Variants in RFX5 observed in about 807,000 individuals in gnomAD.
The protein encoded by RFX5 is DNA-binding protein RFX5.
RFX5 carries 30 observed loss-of-function variants against 41.2 expected under a neutral mutation model. That is an observed-to-expected ratio of 0.73 (90% CI 0.54 to 0.99). RFX5 has a LOEUF of 0.99. RFX5 is among the 50% of genes least tolerant of loss of function. The pLI is 0.00. For synonymous variants in RFX5, 231 were observed against 291.8 expected (o/e 0.79, Z 2.12); for missense variants, 715 against 773.6 (o/e 0.92, Z 0.90).
In RFX5 at chr1:151,346,291, G is replaced by A. The variant is rs1651052355; in HGVS notation, c.30C>T (p.Ser10=). The A allele has an allele frequency of 6.2e-7, 1 of 1,614,072 alleles. No individual in the cohort carries two copies. Among genetic ancestry groups the A allele is most frequent in the African/African-American group, 1.3e-5 (1 of 75,046 alleles). Residue 10 remains serine (S), a synonymous_variant, in exon 3 of 11, where the codon AGC becomes AGT. Transcript: ENST00000452671. The part of the protein sequence containing the change: MAEDEPDAK[S]PKTGGRAPPG... ...GGGGGGCCCTTCCCCCAGTCTTGGG[G>A]CTCTTAGCATCAGGCTCATCTTCTG...
In RFX5 at chr1:151,342,911, C is replaced by A; in HGVS notation, c.1126G>T (p.Ala376Ser). ...ATCATGTTAATGATGGGCACAGCTG[C>A]TGGGGGTGCCCCGGCCCTACTAGAC... ...PLSSRAGAPPAAVPIINMILP... is the reference protein window; with the variant it reads ...PLSSRAGAPPSAVPIINMILP... The change falls in exon 11 of 11, where the codon GCA (alanine) becomes TCA (serine). Residue 376 changes from alanine (A) to serine (S), a missense_variant. Transcript: ENST00000452671. The A allele has an allele frequency of 6.2e-7, 1 of 1,614,206 alleles. No individual in the cohort carries two copies. The highest frequency in any genetic ancestry group is 1.1e-5 in the South Asian group (1 of 91,090).
chr1:151,344,990 C>A, intron 5 of RFX5, 116 bp downstream of exon 5: 1 of 1,541,618 alleles, frequency 6.5e-7, no homozygotes, highest in Non-Finnish European at 9.0e-7. Flanking sequence ...GGGCGAGGAC[C>A]TTTCCTCTTC....
At chr1:151,345,529 G>A (rs968907760) in intron 4 of RFX5, 22 of 356,790 alleles carry the variant, frequency 6.2e-5, no homozygotes, top group African/African-American at 2.1e-4. Flanking sequence ...GGAGAATGGC[G>A]TGAACCTGGG....
Position 151,346,244 on chromosome 1 carries a change from T to A in RFX5, c.77A>T (p.Glu26Val). The part of the protein sequence containing the change: ...RAPPGGAEAG[E>V]PTTLLQRLRG... ...GAGCCTCTGAAGAAGGGTGGTAGGTTCCCCAGCCTCAGCACCACCTGGGGG... is the reference window on the plus strand; with the variant it reads ...GAGCCTCTGAAGAAGGGTGGTAGGTACCCCAGCCTCAGCACCACCTGGGGG... Residue 26 changes from glutamate (E) to valine (V), a missense_variant, in exon 3 of 11, where the codon GAA (glutamate) becomes GTA (valine). By Grantham distance (121) the Glu-to-Val change is moderately radical. Coordinates refer to ENST00000452671, the MANE Select transcript of RFX5 (RefSeq NM_001025603.2). 1 of 1,614,144 alleles carries A rather than the reference T, an allele frequency of 6.2e-7. No individual in the cohort carries two copies. The highest frequency in any genetic ancestry group is 8.5e-7 in the Non-Finnish European group (1 of 1,180,008).
At chr1:151,345,080 C>T in intron 5 of RFX5, 26 bp downstream of exon 5, 1 of 1,600,986 alleles carries the variant, frequency 6.2e-7, no homozygotes, top group Non-Finnish European at 8.6e-7. Flanking sequence ...AGAACCTCTG[C>T]CATCTAAAAC....
chr1:151,346,211 G>A lies in RFX5; in HGVS notation c.110C>T (p.Thr37Ile). 6.2e-7 allele frequency: 1 copy of A among 1,614,078 alleles called. No individual in the cohort carries two copies. Among genetic ancestry groups the A allele is most frequent in the South Asian group, 1.1e-5 (1 of 91,086 alleles). The change falls in exon 3 of 11, where the codon ACC becomes ATC. Residue 37 changes from threonine (T) to isoleucine (I), a missense_variant. Transcript: ENST00000452671. ...AGATGTGATGAGTACTTACGAAATG[G>A]TACCTCGGAGCCTCTGAAGAAGGGT... ...PTTLLQRLRG[T>I]ISKAVQNKVE...
rs766981191 is a variant in RFX5 at position 151,342,455 on chromosome 1, C to T, written c.1582G>A (p.Ala528Thr). 7 of 1,614,060 alleles carry T rather than the reference C, an allele frequency of 4.3e-6. No homozygotes were observed. The highest frequency in any genetic ancestry group is 1.7e-5 in the Admixed American group (1 of 60,008). Residue 528 changes from alanine to threonine, a missense_variant, in exon 11 of 11, where the codon GCA becomes ACA. Physicochemically the swap from Ala to Thr is moderately conservative, Grantham distance 58. Coordinates refer to ENST00000452671, the MANE Select transcript of RFX5 (RefSeq NM_001025603.2). ...PGPMGEAEKG[A>T]VLAQGQGDGT... Reference sequence around the variant, plus strand: ...TCTCCCTGACCCTGGGCAAGTACTGCCCCCTTTTCAGCCTCTCCCATTGGC... The same window carrying T: ...TCTCCCTGACCCTGGGCAAGTACTGTCCCCTTTTCAGCCTCTCCCATTGGC...
rs759109010 is a variant in RFX5, at chr1:151,342,042, TA to T, written c.*143del. ...TCAGAGGCAGCAACCAGGTACTAAG[TA>T]GACTGGGTGACTCAGCTGTCTGTAC... On this transcript the variant is annotated 3_prime_UTR_variant, in exon 11 of 11. Coordinates refer to ENST00000452671, the MANE Select transcript of RFX5 (RefSeq NM_001025603.2). The T allele has an allele frequency of 4.3e-6, 5 of 1,172,484 alleles. No individual in the cohort carries two copies. The African/African-American group carries it at 7.6e-5, about 18-fold the overall frequency. 72.6% of individuals were successfully genotyped at this position (1,172,484 alleles called of 1,614,324 possible).
chr1:151,343,889 T>TG lies in RFX5; in HGVS notation c.556-8dup, dbSNP rs748576536. On this transcript the variant is annotated splice_region_variant and splice_polypyrimidine_tract_variant and intron_variant, in intron 8 of 10. Transcript: ENST00000452671. ...CTTCTGGGCCCATTTCTGGCTGAAG[T>TG]GGGGAAGGACATGCCCAATCACACT... The TG allele has an allele frequency of 6.8e-6, 11 of 1,612,904 alleles. No individual in the cohort carries two copies. The East Asian group carries it at 2.2e-4, about 33-fold the overall frequency.
intron 4 of RFX5, chr1:151,345,518 A>G (rs2102068979): frequency 2.8e-6 from 1 of 360,740 alleles, no homozygotes; most frequent in East Asian, 7.0e-5. Flanking sequence ...AGGCTGAGGC[A>G]GGAGAATGGC....
intron 4 of RFX5, 97 bp from the exon 5 acceptor site, chr1:151,345,285 C>G: frequency 1.1e-6 from 1 of 948,722 alleles, no homozygotes. Context: ...AGCTGACTTA[C>G]AGGGTGTCAG....
chr1:151,341,027 A>G lies in RFX5; in HGVS notation c.*1159T>C, dbSNP rs1248210330. On this transcript the variant is annotated 3_prime_UTR_variant, in exon 11 of 11. Transcript: ENST00000452671. ...AAACCCCGCAGTCCTAAGTCCTGAC[A>G]CGTATGACAAGATGCTGCCACCTGG... is the stretch of plus-strand genomic sequence containing the variant. 6 of 152,662 alleles carry G rather than the reference A, an allele frequency of 3.9e-5. No homozygotes were observed. The highest frequency in any genetic ancestry group is 1.4e-4 in the African/African-American group (6 of 41,460). The allele number at this position is 152,662 out of a possible 1,614,324, so 9.5% of individuals were successfully genotyped here. A position where few individuals can be genotyped will look rare whatever the true frequency, so the allele number is the denominator to read the frequency against.
chr1:151,344,589 TAGGCTCGA>T, intron 6 of RFX5, 53 bp from the exon 7 acceptor site: 8 of 1,613,390 alleles, frequency 5.0e-6, no homozygotes, highest in Non-Finnish European at 6.8e-6. Flanking sequence ...AGGCCATGGG[TAGGCTCGA>T]AGAGTCCCTA....
intron 5 of RFX5, 45 bp from the exon 6 acceptor site, chr1:151,344,892 G>A: frequency 1.2e-6 from 2 of 1,614,034 alleles, no homozygotes; most frequent in Non-Finnish European, 1.7e-6. Context: ...CCTAACAGTT[G>A]TCCTGGTTCT....
chr1:151,344,427 C>T lies in RFX5; in HGVS notation c.463G>A (p.Gly155Ser). 1 of 1,614,192 alleles carries T rather than the reference C, an allele frequency of 6.2e-7. No homozygotes were observed. The highest frequency in any genetic ancestry group is 8.5e-7 in the Non-Finnish European group (1 of 1,180,028). ...DIKARRLGGR[G>S]QSKYCYSGIR... is the part of the protein sequence containing the mutation. Reference sequence around the variant, plus strand: ...TCTAGTCAAGGATACTTGGACTGGCCCCGGCCACCAAGCCTTCGAGCTTTG... The same window carrying T: ...TCTAGTCAAGGATACTTGGACTGGCTCCGGCCACCAAGCCTTCGAGCTTTG... Residue 155 changes from glycine to serine, a missense_variant, in exon 7 of 11, where the codon GGC becomes AGC. By Grantham distance (56) the Gly-to-Ser change is moderately conservative. Coordinates refer to ENST00000452671, the MANE Select transcript of RFX5 (RefSeq NM_001025603.2).
At position 151,341,934 on chromosome 1, in the gene RFX5, C is replaced by T. The variant is rs1314209931; in HGVS notation, c.*252G>A. The stretch of plus-strand genomic sequence containing the variant: ...TCATACTTAGCCCATTCCTACCTTC[C>T]CACAGGATAGCACAGGGAATACAGG... On this transcript the variant is annotated 3_prime_UTR_variant, in exon 11 of 11. Transcript: ENST00000452671. 1.5e-6 allele frequency: 1 copy of T among 686,260 alleles called. No homozygotes were observed. The highest frequency in any genetic ancestry group is 1.5e-5 in the South Asian group (1 of 65,844). The allele number at this position is 686,260 out of a possible 1,614,324, so 42.5% of individuals were successfully genotyped here.
At position 151,343,314 on chromosome 1, in the gene RFX5, G is replaced by T. The variant is rs377612555; in HGVS notation, c.858+28C>A. ...TATACTAAGCCCCCAGCCCAGGACA[G>T]CAAAGTCAGGGCCACTGACTTCCTT... On this transcript the variant is annotated intron_variant, in intron 10 of 10. Transcript: ENST00000452671. 4 of 1,609,630 alleles carry T rather than the reference G, an allele frequency of 2.5e-6. No homozygotes were observed. In the African/African-American group the frequency reaches 5.3e-5, roughly 22 times the overall value.
rs143245407 is a variant in RFX5 at position 151,346,281 on chromosome 1, C to A, written c.40G>T (p.Gly14Trp). 6.2e-7 allele frequency: 1 copy of A among 1,614,046 alleles called. No individual in the cohort carries two copies. Among genetic ancestry groups the A allele is most frequent in the Non-Finnish European group, 8.5e-7 (1 of 1,180,020 alleles). ...GCACCACCTGGGGGGGCCCTTCCCCCAGTCTTGGGGCTCTTAGCATCAGGC... is the reference window on the plus strand; with the variant it reads ...GCACCACCTGGGGGGGCCCTTCCCCAAGTCTTGGGGCTCTTAGCATCAGGC... Reference protein sequence around the residue: ...DEPDAKSPKTGGRAPPGGAEA... With the variant: ...DEPDAKSPKTWGRAPPGGAEA... The change falls in exon 3 of 11, where the codon GGG becomes TGG. Residue 14 changes from glycine to tryptophan, a missense_variant. Physicochemically the swap from Gly to Trp is radical, Grantham distance 184. Transcript: ENST00000452671.
rs1385596927 is a variant in RFX5 at position 151,342,967 on chromosome 1, G to T, written c.1070C>A (p.Ser357Ter). Residue 357 changes from serine (S) to a stop codon, truncating the protein, a stop_gained, in exon 11 of 11, where the codon TCA becomes TAA. Transcript: ENST00000452671. LOFTEE classifies it high-confidence loss of function. ...SPPILAPRLS[S>*]GALKVATLPL... ...CAGTGTAGCCACTTTCAGGGCACCT[G>T]AAGAAAGCCTGGGGGCCAGAATAGG... 6.2e-7 allele frequency: 1 copy of T among 1,613,998 alleles called. No homozygotes were observed. Among genetic ancestry groups the T allele is most frequent in the Non-Finnish European group, 8.5e-7 (1 of 1,180,014 alleles).
Sources: gnomAD v4.1 joint callset for allele counts on GRCh38, gnomAD v4.1.1 for gene constraint, MANE v1.5 for transcripts, NCBI Gene and HGNC (gene_info 2026-07-23, HGNC 2026-07-21) for gene names.